Variants in ABCC1 observed in about 807,000 individuals in gnomAD.
The protein encoded by ABCC1 is ATP binding cassette subfamily C member 1 (ABCC1 blood group).
ABCC1 carries 83 observed loss-of-function variants against 172.9 expected under a neutral mutation model. The ratio of observed to expected loss-of-function variants is 0.48; its 90% CI spans 0.40 to 0.58. The LOEUF is 0.58. Among genes scored for constraint, ABCC1 ranks in the 20% least tolerant of loss-of-function variants. The pLI, the probability that ABCC1 is intolerant of heterozygous loss-of-function variation, is 0.00. For missense variants in ABCC1, 1,817 were observed against 2,002.7 expected (o/e 0.91, Z 1.77); for synonymous variants, 937 against 825.2 (o/e 1.14, Z -2.32).
At chr16:16,102,418 T>A (rs1171698318) in intron 19 of ABCC1, among the ~76,000 whole-genome samples, 2 of 152,206 alleles carry the variant, frequency 1.3e-5, no homozygotes, top group African/African-American at 4.8e-5. Context: ...GCACTGTCCC[T>A]ACCCCAAGGG....
At chr16:16,023,021 C>A (rs1434635658) in intron 5 of ABCC1, among the ~76,000 whole-genome samples, 2 of 152,168 alleles carry the variant, frequency 1.3e-5, no homozygotes, top group African/African-American at 4.8e-5. Context: ...CAATGATCTT[C>A]CCGCTTCTGC....
intron 9 of ABCC1, 123 bp downstream of exon 9, chr16:16,046,136 G>A (rs2049199008): frequency 8.9e-7 from 1 of 1,124,088 alleles, no homozygotes. Flanking sequence ...GATGAGGGTA[G>A]CTTCCGTGAC....
chr16:16,034,366 A>G (rs1344050000), intron 6 of ABCC1, among the ~76,000 whole-genome samples: 2 of 152,114 alleles, frequency 1.3e-5, no homozygotes, highest in African/African-American at 4.8e-5. Flanking sequence ...TTAAAAAATT[A>G]GATGTTTTAA....
chr16:16,002,935 C>G (rs7196970), intron 1 of ABCC1, among the ~76,000 whole-genome samples: 79,922 of 152,000 alleles, frequency 0.53, 21,360 homozygotes, highest in Non-Finnish European at 0.59. Flanking sequence ...TGTAGGGTAG[C>G]AATGGGGGGC....
At chr16:16,026,477 T>TC in intron 5 of ABCC1, among the ~76,000 whole-genome samples, 1 of 144,886 alleles carries the variant, frequency 6.9e-6, no homozygotes, top group African/African-American at 2.5e-5. Context: ...TTTTTTTTTT[T>TC]TTTTTTTTTT....
intron 5 of ABCC1, among the ~76,000 whole-genome samples, chr16:16,022,244 C>T (rs900956169): frequency 1.3e-5 from 2 of 152,172 alleles, no homozygotes; most frequent in African/African-American, 2.4e-5. Flanking sequence ...CCCCAGCTGG[C>T]CCTGCTCCCA....
chr16:16,120,784 A>G (rs147518086), intron 23 of ABCC1, among the ~76,000 whole-genome samples: 1 of 152,000 alleles, frequency 6.6e-6, no homozygotes, highest in East Asian at 1.9e-4. Context: ...TGGCAACTCT[A>G]ACAGCGCTGG....
rs1777208801 is a variant in ABCC1, at chr16:15,980,639, A to G, written c.49-27177A>G. On this transcript the variant is annotated intron_variant, in intron 1 of 30. Transcript: ENST00000399410. ...TGTCTCTCACTGGGTTCCTCCCACA[A>G]CACATGGGGATTATGAGAACTACAA... 6.6e-5 allele frequency among the ~76,000 whole-genome samples: 10 copies of G among 152,162 alleles called. No homozygotes were observed. The South Asian group carries it at 2.1e-3, about 31-fold the overall frequency.
At chr16:16,087,079 T>C (rs2051038841) in intron 18 of ABCC1, 88 bp downstream of exon 18, 2 of 1,402,266 alleles carry the variant, frequency 1.4e-6, no homozygotes, top group Admixed American at 2.4e-5. Context: ...TCCTTTACTT[T>C]CTCTGGCTTT....
Position 16,036,588 on chromosome 16 carries a change from G to A in ABCC1, c.794G>A (p.Cys265Tyr), listed in dbSNP as rs2048767811. 6.2e-7 allele frequency: 1 copy of A among 1,614,080 alleles called. No homozygotes were observed. The highest frequency in any genetic ancestry group is 8.5e-7 in the Non-Finnish European group (1 of 1,179,952). The part of the protein sequence containing the change: ...PVLVKNWKKE[C>Y]AKTRKQPVKV... The stretch of plus-strand genomic sequence containing the variant: ...TTGGTAAAGAACTGGAAGAAGGAAT[G>A]CGCCAAGACTAGGAAGTAAGTGTGA... Residue 265 changes from cysteine (C) to tyrosine (Y), a missense_variant, in exon 7 of 31, where the codon TGC (cysteine) becomes TAC (tyrosine). Coordinates refer to ENST00000399410, the MANE Select transcript of ABCC1 (RefSeq NM_004996.4).
intron 2 of ABCC1, 67 bp downstream of exon 2, chr16:16,008,059 T>C (rs947600822): frequency 1.4e-6 from 2 of 1,441,016 alleles, no homozygotes; most frequent in Non-Finnish European, 1.9e-6. Context: ...TGGTGGTTGG[T>C]GATAACTGAC....
chr16:15,949,788 G>T lies in ABCC1; in HGVS notation c.37G>T (p.Asp13Tyr). 8.4e-7 allele frequency: 1 copy of T among 1,196,928 alleles called. No individual in the cohort carries two copies. The highest frequency in any genetic ancestry group is 1.0e-6 in the Non-Finnish European group (1 of 965,514). 74.1% of individuals were successfully genotyped at this position (1,196,928 alleles called of 1,614,324 possible). ...GGGCTTCTGCAGCGCCGATGGCTCC[G>T]ACCCGCTCTGGGTACGTGCCGGGGG... is the stretch of plus-strand genomic sequence containing the variant. ...LRGFCSADGS[D>Y]PLWDWNVTWN... The change falls in exon 1 of 31, where the codon GAC (aspartate) becomes TAC (tyrosine). Residue 13 changes from aspartate to tyrosine, a missense_variant. Coordinates refer to ENST00000399410, the MANE Select transcript of ABCC1 (RefSeq NM_004996.4).
chr16:16,068,499 C>T (rs904697272), intron 13 of ABCC1, among the ~76,000 whole-genome samples, 197 bp downstream of exon 13: 5 of 152,204 alleles, frequency 3.3e-5, no homozygotes, highest in African/African-American at 9.7e-5. Context: ...ACAGAGAACT[C>T]GCACTTGAGT....
chr16:15,969,634 A>G (rs369048495), intron 1 of ABCC1, among the ~76,000 whole-genome samples: 2 of 151,840 alleles, frequency 1.3e-5, no homozygotes, highest in South Asian at 2.1e-4. Flanking sequence ...CTGCCTCCCA[A>G]AGTGCTGAGA....
chr16:15,989,743 C>T (rs1260566459), intron 1 of ABCC1, among the ~76,000 whole-genome samples: 2 of 152,066 alleles, frequency 1.3e-5, no homozygotes, highest in African/African-American at 4.8e-5. Flanking sequence ...TCTCTGTGTT[C>T]CTCTCTGTAA....
At position 15,988,027 on chromosome 16, in the gene ABCC1, A is replaced by G. The variant is rs150242812; in HGVS notation, c.49-19789A>G. Among the ~76,000 whole-genome samples, 623 of 152,218 alleles carry G rather than the reference A, an allele frequency of 4.1e-3. 4 individuals carry two copies. Among genetic ancestry groups the G allele is most frequent in the African/African-American group, 0.014 (593 of 41,546 alleles). On this transcript the variant is annotated intron_variant, in intron 1 of 30. Transcript: ENST00000399410. ...GGCTGGAGTGCAGTGGTGTGATCGCAGATCACTGCAACCTCCACCACCCAG... is the reference window on the plus strand; with the variant it reads ...GGCTGGAGTGCAGTGGTGTGATCGCGGATCACTGCAACCTCCACCACCCAG...
At chr16:16,041,616 T>C (rs995202975) in intron 7 of ABCC1, among the ~76,000 whole-genome samples, 1 of 152,134 alleles carries the variant, frequency 6.6e-6, no homozygotes, top group African/African-American at 2.4e-5. Context: ...AGGCTGGAAT[T>C]TCCTGGTGTG....
At chr16:16,123,722 A>G (rs1057146031) in intron 24 of ABCC1, among the ~76,000 whole-genome samples, 10 of 152,310 alleles carry the variant, frequency 6.6e-5, no homozygotes, top group Admixed American at 2.0e-4. Context: ...GCTTTAAACA[A>G]ATAAGATGAC....
intron 5 of ABCC1, among the ~76,000 whole-genome samples, chr16:16,026,169 T>C (rs2048360893): frequency 6.6e-6 from 1 of 152,130 alleles, no homozygotes; most frequent in Non-Finnish European, 1.5e-5. Context: ...CAGTGGCTCA[T>C]GCCTGTAATC....
Sources: gnomAD v4.1 joint callset for allele counts (sites outside exome capture counted in the v4.1 genomes callset) on GRCh38, gnomAD v4.1.1 for gene constraint, MANE v1.5 for transcripts, NCBI Gene and HGNC (gene_info 2026-07-23, HGNC 2026-07-21) for gene names.